ARHGAP10: variants seen among roughly 807,000 people sequenced by gnomAD.
The protein encoded by ARHGAP10 is Rho GTPase activating protein 10, also known as rho GTPase-activating protein 10.
A neutral mutation model predicts 108.6 loss-of-function variants in ARHGAP10; 87 were observed. The observed-to-expected ratio is 0.80, with a 90% CI of 0.67 to 0.96. The LOEUF (loss-of-function observed/expected upper bound fraction) is 0.96, where lower values mean the gene tolerates loss of function less well. ARHGAP10 is among the 40% of genes least tolerant of loss of function. The probability of loss-of-function intolerance (pLI) is 0.00; values close to 1 mark genes in which losing one functional copy is unlikely to be tolerated. For missense variants in ARHGAP10, 939 were observed against 954.5 expected (o/e 0.98, Z 0.21); for synonymous variants, 347 against 341.1 (o/e 1.02, Z -0.19).
intron 3 of ARHGAP10, among the ~76,000 whole-genome samples, chr4:147,846,920 G>A (rs1733659028): frequency 6.6e-6 from 1 of 152,178 alleles, no homozygotes; most frequent in African/African-American, 2.4e-5. Context: ...GGGCTGTGTT[G>A]TACATTTCAC....
At chr4:148,056,629 T>C (rs1299914999) in intron 20 of ARHGAP10, among the ~76,000 whole-genome samples, 1 of 151,788 alleles carries the variant, frequency 6.6e-6, no homozygotes, top group African/African-American at 2.4e-5. Flanking sequence ...TTAGTGTTGA[T>C]ACAGTACTGT....
chr4:147,983,266 A>C (rs1739901053), intron 18 of ARHGAP10, among the ~76,000 whole-genome samples: 2 of 148,726 alleles, frequency 1.3e-5, no homozygotes, highest in African/African-American at 5.0e-5. Context: ...GCTCACTGCA[A>C]CCTCCACCTC....
intron 20 of ARHGAP10, among the ~76,000 whole-genome samples, chr4:148,055,551 T>C (rs954809869): frequency 6.6e-6 from 1 of 152,142 alleles, no homozygotes; most frequent in Admixed American, 6.5e-5. Flanking sequence ...TAGCCTGGCA[T>C]GGTGGTATGC....
At chr4:147,864,819 T>G in intron 5 of ARHGAP10, 27 bp from the exon 6 acceptor site, 1 of 1,599,692 alleles carries the variant, frequency 6.3e-7, no homozygotes, top group Non-Finnish European at 8.5e-7. Flanking sequence ...ATCTCCAGTT[T>G]GACTAACCTC....
At chr4:147,946,012 C>T (rs537783558) in intron 14 of ARHGAP10, among the ~76,000 whole-genome samples, 15 of 152,294 alleles carry the variant, frequency 9.8e-5, no homozygotes, top group African/African-American at 3.1e-4. Flanking sequence ...CCCCAGTGCG[C>T]GTGTGGGCCC....
At chr4:147,836,383 T>A (rs78223837) in intron 3 of ARHGAP10, among the ~76,000 whole-genome samples, 2 of 152,238 alleles carry the variant, frequency 1.3e-5, no homozygotes, top group Non-Finnish European at 2.9e-5. Context: ...TGAAAGTTGA[T>A]AAAATTCTTA....
At chr4:148,029,909 A>G (rs1489159566) in intron 19 of ARHGAP10, among the ~76,000 whole-genome samples, 1 of 152,148 alleles carries the variant, frequency 6.6e-6, no homozygotes, top group East Asian at 1.9e-4. Context: ...TCAGGGCTGT[A>G]ATTGAGTTGT....
At chr4:147,906,581 A>G in intron 10 of ARHGAP10, 57 bp from the exon 11 acceptor site, 3 of 1,574,716 alleles carry the variant, frequency 1.9e-6, no homozygotes, top group South Asian at 1.1e-5. Context: ...AAATCTTAGG[A>G]AAAACTTGCC....
At chr4:148,067,993 A>C (rs1366572865) in intron 22 of ARHGAP10, among the ~76,000 whole-genome samples, 15 of 140,280 alleles carry the variant, frequency 1.1e-4, no homozygotes, top group African/African-American at 3.4e-4. Flanking sequence ...CCCGCCCCCC[A>C]CCCTCGGGAG....
intron 1 of ARHGAP10, among the ~76,000 whole-genome samples, chr4:147,790,044 C>CG (rs1560759815): frequency 1.4e-5 from 2 of 147,558 alleles, no homozygotes; most frequent in Admixed American, 6.8e-5. Context: ...CTCAGGCTGC[C>CG]ATAACAAAAT....
intron 13 of ARHGAP10, among the ~76,000 whole-genome samples, chr4:147,936,295 C>T (rs1308237287): frequency 2.0e-5 from 3 of 149,444 alleles, no homozygotes; most frequent in Non-Finnish European, 4.4e-5. Context: ...CCTGGCAGGG[C>T]TGTGCGGCCT....
chr4:147,829,307 C>A (rs935933422), intron 3 of ARHGAP10, among the ~76,000 whole-genome samples: 2 of 152,000 alleles, frequency 1.3e-5, no homozygotes, highest in African/African-American at 4.8e-5. Flanking sequence ...CTGCCTCGAC[C>A]CCCCCATCGT....
At chr4:147,831,932 C>G (rs1293257378) in intron 3 of ARHGAP10, among the ~76,000 whole-genome samples, 4 of 152,190 alleles carry the variant, frequency 2.6e-5, no homozygotes, top group Admixed American at 1.3e-4. Context: ...CTGTTGGTGA[C>G]TCATTATCAT....
At chr4:147,738,920 CG>C (rs1233170261) in intron 1 of ARHGAP10, among the ~76,000 whole-genome samples, 1 of 152,016 alleles carries the variant, frequency 6.6e-6, no homozygotes, top group African/African-American at 2.4e-5. Context: ...CAGTGGCTCA[CG>C]TCTGTAATCC....
chr4:147,934,711 G>A (rs891271932), intron 13 of ARHGAP10, among the ~76,000 whole-genome samples: 1 of 152,166 alleles, frequency 6.6e-6, no homozygotes, highest in African/African-American at 2.4e-5. Flanking sequence ...GCATGTGCTT[G>A]TAGTCCCAGC....
chr4:147,851,137 TAGA>T (rs1411988138), intron 4 of ARHGAP10, among the ~76,000 whole-genome samples: 4 of 152,164 alleles, frequency 2.6e-5, no homozygotes, highest in Non-Finnish European at 5.9e-5. Context: ...TTTATCCAAA[TAGA>T]AGAAGAATTT....
At chr4:148,033,848 G>A (rs1214489633) in intron 19 of ARHGAP10, among the ~76,000 whole-genome samples, 1 of 152,180 alleles carries the variant, frequency 6.6e-6, no homozygotes, top group Non-Finnish European at 1.5e-5. Flanking sequence ...TTTCCTGTTA[G>A]ACTTCACGTG....
At chr4:147,782,132 TA>T (rs1161358017) in intron 1 of ARHGAP10, among the ~76,000 whole-genome samples, 1 of 152,180 alleles carries the variant, frequency 6.6e-6, no homozygotes, top group East Asian at 1.9e-4. Flanking sequence ...CACATTGCCA[TA>T]AGGTGAATGT....
At chr4:148,026,290 A>T (rs921870257) in intron 19 of ARHGAP10, among the ~76,000 whole-genome samples, 4 of 152,200 alleles carry the variant, frequency 2.6e-5, no homozygotes, top group African/African-American at 9.6e-5. Context: ...ATCAGCGAAG[A>T]GTCAGCAAGC....
Sources: allele counts gnomAD v4.1 joint callset (sites outside exome capture counted in the v4.1 genomes callset), GRCh38; gene constraint gnomAD v4.1.1; transcripts MANE v1.5; gene names NCBI Gene and HGNC (gene_info 2026-07-23, HGNC 2026-07-21).